Variants in NBDY observed in about 807,000 individuals in gnomAD.
NBDY encodes the protein negative regulator of P-body association.
At chrX:56,765,347 G>C (rs1273347546) in intron 2 of NBDY, among the ~76,000 whole-genome samples, 1 of 112,216 alleles carries the variant, frequency 8.9e-6, no homozygotes, top group African/African-American at 3.2e-5. Flanking sequence ...CCTTGGCCTT[G>C]TAGCCTTGGG....
intron 2 of NBDY, among the ~76,000 whole-genome samples, chrX:56,801,327 TTTTTTC>T (rs1352532287): frequency 4.5e-5 from 5 of 111,007 alleles, no homozygotes; most frequent in South Asian, 3.9e-4. Context: ...CCTCCTCCTC[TTTTTTC>T]TTTTTCTTTT....
chrX:56,763,318 C>T (rs1481198683), intron 2 of NBDY, among the ~76,000 whole-genome samples: 1 of 111,888 alleles, frequency 8.9e-6, no homozygotes, highest in Admixed American at 9.4e-5. Context: ...GAGCCACCCT[C>T]CTCCCACCCC....
chrX:56,786,962 C>T (rs2069732800), intron 2 of NBDY, among the ~76,000 whole-genome samples: 1 of 111,331 alleles, frequency 9.0e-6, no homozygotes, highest in African/African-American at 3.3e-5. Flanking sequence ...CCCCCTTCAC[C>T]CAGTACCTCA....
At chrX:56,792,001 G>C (rs1425035253) in intron 2 of NBDY, among the ~76,000 whole-genome samples, 1 of 76,742 alleles carries the variant, frequency 1.3e-5, no homozygotes, top group African/African-American at 4.9e-5. Context: ...TTTTTTCTTT[G>C]CTTTTGCCTC....
intron 2 of NBDY, among the ~76,000 whole-genome samples, chrX:56,808,912 C>T (rs1248545482): frequency 1.8e-5 from 2 of 112,544 alleles, no homozygotes; most frequent in Non-Finnish European, 3.8e-5. Context: ...TATAAGTTTC[C>T]CTCTCCACAC....
intron 2 of NBDY, among the ~76,000 whole-genome samples, chrX:56,814,879 A>C (rs1005626663): frequency 8.2e-5 from 9 of 110,146 alleles, no homozygotes; most frequent in Non-Finnish European, 1.5e-4. Context: ...ATCAAATGTG[A>C]TAGTAAGAAA....
intron 2 of NBDY, among the ~76,000 whole-genome samples, chrX:56,739,279 TA>T (rs1277212125): frequency 2.8e-5 from 2 of 72,585 alleles, no homozygotes; most frequent in African/African-American, 6.6e-5. Flanking sequence ...TATATATATA[TA>T]TTTTTATATA....
intron 2 of NBDY, among the ~76,000 whole-genome samples, chrX:56,750,607 C>G (rs1000510715): frequency 1.8e-5 from 2 of 111,542 alleles, no homozygotes; most frequent in African/African-American, 6.5e-5. Context: ...CAAAACTGAA[C>G]TCTTCATCAC....
chrX:56,814,397 T>A (rs757694324), intron 2 of NBDY, among the ~76,000 whole-genome samples: 3 of 111,568 alleles, frequency 2.7e-5, no homozygotes, highest in South Asian at 7.5e-4. Flanking sequence ...AATTAGGGAT[T>A]ATTAAGTCAT....
chrX:56,792,037 A>T (rs2069767587), intron 2 of NBDY, among the ~76,000 whole-genome samples: 8 of 89,320 alleles, frequency 9.0e-5, no homozygotes, highest in African/African-American at 1.3e-4. Context: ...TTTTCACTTC[A>T]CTTTTGGATT....
chrX:56,787,797 G>T (rs1011486337), intron 2 of NBDY, among the ~76,000 whole-genome samples: 1 of 112,528 alleles, frequency 8.9e-6, no homozygotes, highest in Admixed American at 9.3e-5. Context: ...CCTGTGAGGA[G>T]ACTCTGGCCT....
intron 2 of NBDY, among the ~76,000 whole-genome samples, chrX:56,781,259 C>T (rs919392955): frequency 2.7e-5 from 3 of 111,830 alleles, no homozygotes; most frequent in Non-Finnish European, 3.8e-5. Flanking sequence ...AACTGTTTCC[C>T]GTCATCTAAG....
At chrX:56,738,490 G>A (rs2069509335) in intron 2 of NBDY, among the ~76,000 whole-genome samples, 1 of 112,002 alleles carries the variant, frequency 8.9e-6, no homozygotes, top group African/African-American at 3.2e-5. Flanking sequence ...CCACGAGACT[G>A]CCTCAACTTT....
intron 2 of NBDY, among the ~76,000 whole-genome samples, chrX:56,756,567 G>A (rs1347208926): frequency 9.0e-6 from 1 of 111,705 alleles, no homozygotes; most frequent in African/African-American, 3.2e-5. Context: ...TAAAAACATT[G>A]CCTCTGTCAA....
At chrX:56,810,567 C>T (rs771104061) in intron 2 of NBDY, among the ~76,000 whole-genome samples, 8 of 109,642 alleles carry the variant, frequency 7.3e-5, no homozygotes, top group Admixed American at 5.9e-4. Context: ...GTATGCTTCA[C>T]GAAGTTCTTG....
At chrX:56,758,635 G>A (rs774747799) in intron 2 of NBDY, among the ~76,000 whole-genome samples, 2 of 111,872 alleles carry the variant, frequency 1.8e-5, no homozygotes, top group Non-Finnish European at 3.8e-5. Flanking sequence ...AGTACCCCCG[G>A]CATCTTGGTC....
chrX:56,739,634 G>A (rs2069522156), intron 2 of NBDY, among the ~76,000 whole-genome samples: 1 of 110,422 alleles, frequency 9.1e-6, no homozygotes, highest in South Asian at 3.8e-4. Flanking sequence ...CAGAAGTAAT[G>A]TATTGTTCTC....
intron 2 of NBDY, among the ~76,000 whole-genome samples, chrX:56,732,668 G>C (rs1453798549): frequency 2.7e-5 from 3 of 111,612 alleles, no homozygotes; most frequent in Middle Eastern, 4.7e-3. Context: ...CAACAGCATT[G>C]GTAGAGGATT....
chrX:56,806,854 A>C (rs773082592), intron 2 of NBDY, among the ~76,000 whole-genome samples: 66 of 111,812 alleles, frequency 5.9e-4, no homozygotes, highest in Non-Finnish European at 1.0e-3. Flanking sequence ...TTTTGTTGCC[A>C]TTGCTTTTGG....
Sources: gnomAD v4.1 joint callset for allele counts (sites outside exome capture counted in the v4.1 genomes callset) on GRCh38, gnomAD v4.1.1 for gene constraint, MANE v1.5 for transcripts, NCBI Gene and HGNC (gene_info 2026-07-23, HGNC 2026-07-21) for gene names.